Variants in CPAMD8 observed in about 807,000 individuals in gnomAD.
CPAMD8 encodes the protein C3 and PZP like alpha-2-macroglobulin domain containing 8.
Under a neutral mutation model 224.7 loss-of-function variants are expected in CPAMD8, and 146 were observed. The observed-to-expected ratio is 0.65, with a 90% CI of 0.57 to 0.75. CPAMD8 has a LOEUF of 0.75. Ranked by LOEUF, CPAMD8 falls within the 30% of genes least tolerant of loss-of-function variation. The probability of loss-of-function intolerance (pLI) is 0.00; values close to 1 mark genes in which losing one functional copy is unlikely to be tolerated. For synonymous variants in CPAMD8, 966 were observed against 1,044.6 expected (o/e 0.92, Z 1.45); for missense variants, 2,301 against 2,537.5 (o/e 0.91, Z 2.00).
chr19:16,989,574 A>AGGTG, intron 13 of CPAMD8, 69 bp downstream of exon 13: 1 of 1,560,626 alleles, frequency 6.4e-7, no homozygotes, highest in Non-Finnish European at 8.7e-7. Flanking sequence ...GGCATGAGCC[A>AGGTG]CAGCACCTGG....
At chr19:16,969,408 G>A (rs970607026) in intron 18 of CPAMD8, among the ~76,000 whole-genome samples, 1 of 152,130 alleles carries the variant, frequency 6.6e-6, no homozygotes, top group Non-Finnish European at 1.5e-5. Context: ...CAGTGCAGAG[G>A]ACACCCCTCA....
At chr19:16,908,991 G>T (rs1373270443) in intron 29 of CPAMD8, among the ~76,000 whole-genome samples, 1 of 152,196 alleles carries the variant, frequency 6.6e-6, no homozygotes, top group African/African-American at 2.4e-5. Context: ...GGCCCCAGCT[G>T]TGCAGATCCT....
At chr19:16,908,720 A>G (rs574301306) in intron 29 of CPAMD8, among the ~76,000 whole-genome samples, 1 of 152,336 alleles carries the variant, frequency 6.6e-6, no homozygotes, top group African/African-American at 2.4e-5. Flanking sequence ...TTCCATCCTT[A>G]GACCAGGACA....
Position 16,943,827 on chromosome 19 carries a change from C to T in CPAMD8, c.2793+1722G>A, listed in dbSNP as rs185833026. 5.3e-5 allele frequency among the ~76,000 whole-genome samples: 8 copies of T among 152,258 alleles called. No individual in the cohort carries two copies. In the East Asian group the frequency reaches 9.7e-4, roughly 18 times the overall value. ...CATTTAACCATCCAACGCTTCCATC[C>T]GAATCTGGGGCTCTCACTCCAGAGC... On this transcript the variant is annotated intron_variant, in intron 22 of 41. Transcript: ENST00000443236.
At chr19:16,974,346 G>A (rs573203768) in intron 17 of CPAMD8, among the ~76,000 whole-genome samples, 177 of 151,828 alleles carry the variant, frequency 1.2e-3, no homozygotes, top group Middle Eastern at 6.8e-3. Context: ...TAATCCCAGC[G>A]ACTAGGGAGG....
chr19:16,964,959 A>G (rs1361527630), intron 18 of CPAMD8, among the ~76,000 whole-genome samples: 1 of 152,144 alleles, frequency 6.6e-6, no homozygotes, highest in Non-Finnish European at 1.5e-5. Context: ...TCATCTCAAT[A>G]GATGCAAAAA....
rs529265241 is a variant in CPAMD8, at chr19:16,907,079, C to T, written c.3900G>A (p.Leu1300=). ...RGSTDKARHF[L]ESAAPLAMDP... ...CCATGGCCAGGGGCGCAGCAGACTC[C>T]AGGAAGTGCCTCGCTTTGTCAGTGG... is the stretch of plus-strand genomic sequence containing the variant. The change falls in exon 30 of 42, where the codon CTG becomes CTA. Residue 1300 remains leucine (L), a synonymous_variant. Coordinates refer to ENST00000443236, the MANE Select transcript of CPAMD8 (RefSeq NM_015692.5). 1 of 1,586,700 alleles carries T rather than the reference C, an allele frequency of 6.3e-7. No individual in the cohort carries two copies. Among genetic ancestry groups the T allele is most frequent in the South Asian group, 1.1e-5 (1 of 87,448 alleles).
At chr19:16,932,395 T>C (rs1485133576) in intron 23 of CPAMD8, among the ~76,000 whole-genome samples, 1 of 152,134 alleles carries the variant, frequency 6.6e-6, no homozygotes, top group Admixed American at 6.5e-5. Flanking sequence ...CACTCCAGCC[T>C]GGGCAACAGA....
intron 1 of CPAMD8, among the ~76,000 whole-genome samples, chr19:17,024,511 G>A (rs1056548538): frequency 2.6e-5 from 4 of 152,160 alleles, no homozygotes; most frequent in Non-Finnish European, 5.9e-5. Flanking sequence ...GAGTTTAGAC[G>A]GGCCTCACAT....
At chr19:16,929,321 A>T in intron 23 of CPAMD8, 81 bp from the exon 24 acceptor site, 1 of 1,165,252 alleles carries the variant, frequency 8.6e-7, no homozygotes, top group Non-Finnish European at 1.2e-6. Flanking sequence ...GGAGGTGAGC[A>T]CCAGGACCAC....
chr19:17,017,663 C>T (rs28438541), intron 3 of CPAMD8, among the ~76,000 whole-genome samples: 3 of 152,198 alleles, frequency 2.0e-5, no homozygotes, highest in African/African-American at 4.8e-5. Context: ...CCAAACTTTA[C>T]GAAATGTGCC....
chr19:16,940,374 C>T (rs960115280), intron 22 of CPAMD8, among the ~76,000 whole-genome samples: 1 of 152,136 alleles, frequency 6.6e-6, no homozygotes, highest in Non-Finnish European at 1.5e-5. Context: ...ATTTCTGTTT[C>T]TCTGGTGAAT....
At chr19:17,001,312 C>T (rs779646192) in intron 9 of CPAMD8, among the ~76,000 whole-genome samples, 1 of 109,404 alleles carries the variant, frequency 9.1e-6, no homozygotes, top group Non-Finnish European at 1.8e-5. Flanking sequence ...CAGAGTAAGA[C>T]TCCGTCTGAA....
intron 2 of CPAMD8, among the ~76,000 whole-genome samples, chr19:17,021,405 G>A (rs562981489): frequency 6.6e-6 from 1 of 152,286 alleles, no homozygotes; most frequent in Non-Finnish European, 1.5e-5. Context: ...CTCCCTAAGA[G>A]ACAAGTGCTG....
intron 7 of CPAMD8, among the ~76,000 whole-genome samples, chr19:17,006,884 A>G (rs2056506443): frequency 6.6e-6 from 1 of 152,150 alleles, no homozygotes; most frequent in Admixed American, 6.6e-5. Context: ...GACATTATCC[A>G]GGCTGTTTAG....
chr19:16,945,637 C>T lies in CPAMD8; in HGVS notation c.2705G>A (p.Gly902Glu), dbSNP rs779171267. ...AYGDTNCCRD[G>E]RSSKHPEENH... The stretch of plus-strand genomic sequence containing the variant: ...CTCCTCAGGGTGTTTGCTGGACCTC[C>T]CATCCCGGCAGCAATTTGTGTCTCC... Residue 902 changes from glycine to glutamate, a missense_variant, in exon 22 of 42, where the codon GGG becomes GAG. By Grantham distance (98) the Gly-to-Glu change is moderately conservative. This residue lies in a region of CPAMD8 where 1,709 missense variants were observed against 1,753.2 expected (regional missense o/e 0.97). Coordinates refer to ENST00000443236, the MANE Select transcript of CPAMD8 (RefSeq NM_015692.5). 9.3e-6 allele frequency: 15 copies of T among 1,614,058 alleles called. No homozygotes were observed. Among genetic ancestry groups the T allele is most frequent in the Admixed American group, 3.3e-5 (2 of 60,008 alleles).
At chr19:17,025,521 T>G (rs1172749367) in intron 1 of CPAMD8, among the ~76,000 whole-genome samples, 1 of 152,204 alleles carries the variant, frequency 6.6e-6, no homozygotes, top group Non-Finnish European at 1.5e-5. Flanking sequence ...GGCCGCGTCA[T>G]TCCTTGCAGT....
chr19:17,001,776 T>C (rs1305014205), intron 9 of CPAMD8, among the ~76,000 whole-genome samples: 6 of 146,168 alleles, frequency 4.1e-5, no homozygotes, highest in Admixed American at 2.0e-4. Context: ...AGCCCGGTTG[T>C]TGGGGGAGAT....
chr19:17,017,014 G>A (rs113655097), intron 3 of CPAMD8, among the ~76,000 whole-genome samples: 495 of 152,216 alleles, frequency 3.3e-3, no homozygotes, highest in Non-Finnish European at 6.0e-3. Flanking sequence ...TACACAGCAG[G>A]AGGTGAGCAG....
Sources: allele counts gnomAD v4.1 joint callset (sites outside exome capture counted in the v4.1 genomes callset), GRCh38; gene constraint gnomAD v4.1.1; regional missense constraint gnomAD v4.1.1; transcripts MANE v1.5; gene names NCBI Gene and HGNC (gene_info 2026-07-23, HGNC 2026-07-21).